TTLL8: variants seen among roughly 807,000 people sequenced by gnomAD.
The protein encoded by TTLL8 is protein monoglycylase TTLL8.
TTLL8 carries 65 observed loss-of-function variants against 77.8 expected under a neutral mutation model. That is an observed-to-expected ratio of 0.84 (90% CI 0.68 to 1.03). The LOEUF (loss-of-function observed/expected upper bound fraction) is 1.03. Among genes scored for constraint, TTLL8 ranks in the 50% least tolerant of loss-of-function variants. TTLL8 has a pLI of 0.00. For missense variants in TTLL8, 910 were observed against 1,004.5 expected, an observed-to-expected ratio of 0.91 and a Z score of 1.27; for synonymous variants, 402 against 422.8, an observed-to-expected ratio of 0.95 and a Z score of 0.60.
intron 12 of TTLL8, among the ~76,000 whole-genome samples, chr22:50,025,432 G>C (rs538942540): frequency 6.6e-6 from 1 of 152,240 alleles, no homozygotes; most frequent in African/African-American, 2.4e-5. Flanking sequence ...CTGAGGTCGG[G>C]AGTTCGAGAC....
intron 10 of TTLL8, among the ~76,000 whole-genome samples, chr22:50,032,947 C>A (rs1453885479): frequency 6.6e-6 from 1 of 152,228 alleles, no homozygotes. Flanking sequence ...CAAAATGGTG[C>A]CTTTTAAGAT....
At chr22:50,038,221 G>C (rs1184569121) in intron 8 of TTLL8, among the ~76,000 whole-genome samples, 1 of 152,048 alleles carries the variant, frequency 6.6e-6, no homozygotes, top group Non-Finnish European at 1.5e-5. Flanking sequence ...TGTACCCAGT[G>C]ACCTTGCTGA....
At chr22:50,022,654 C>T (rs1379912830) in intron 12 of TTLL8, among the ~76,000 whole-genome samples, 6 of 152,086 alleles carry the variant, frequency 3.9e-5, no homozygotes, top group South Asian at 2.1e-4. Flanking sequence ...CTCCATCTGA[C>T]GATGTGTTTT....
intron 8 of TTLL8, among the ~76,000 whole-genome samples, chr22:50,037,908 T>A (rs564525761): frequency 7.9e-5 from 12 of 152,276 alleles, no homozygotes; most frequent in African/African-American, 2.4e-4. Context: ...ACAAAAAAAA[T>A]ACCTCTCAGG....
At chr22:50,037,492 G>A (rs753889618) in intron 8 of TTLL8, among the ~76,000 whole-genome samples, 6 of 152,318 alleles carry the variant, frequency 3.9e-5, no homozygotes, top group Non-Finnish European at 5.9e-5. Flanking sequence ...GAGCCACCAC[G>A]CCCGGCCCAA....
chr22:50,031,951 G>C (rs755759630), exon 11 of TTLL8: 27 of 1,366,748 alleles, frequency 2.0e-5, no homozygotes, highest in Non-Finnish European at 2.5e-5. Flanking sequence ...CTTCATGGAC[G>C]GGTAGATGAC....
chr22:50,034,595 G>A lies in TTLL8; in HGVS notation c.922-133C>T. The A allele has an allele frequency of 1.0e-6, 1 of 974,880 alleles. No homozygotes were observed. The highest frequency in any genetic ancestry group is 1.5e-5 in the South Asian group (1 of 64,658). The allele number at this position is 974,880 out of a possible 1,614,324, so 60.4% of individuals were successfully genotyped here. On this transcript the variant is annotated intron_variant, in intron 8 of 13. Coordinates refer to ENST00000266182, the Ensembl canonical transcript of TTLL8. This position sits in a 1 kb window ranked among gnomAD's most constrained non-coding sequence, Gnocchi z 4.1. ...CAGGCGCTCGGCTCTAGGATGGTCT[G>A]GGGCTGGCCTGGCGGGAAAGGGCTG...
chr22:50,044,952 G>A lies in TTLL8; in HGVS notation c.643+303C>T, dbSNP rs534556327. Among the ~76,000 whole-genome samples, 162 of 152,268 alleles carry A rather than the reference G, an allele frequency of 1.1e-3. No individual in the cohort carries two copies. The highest frequency in any genetic ancestry group is 3.8e-3 in the African/African-American group (156 of 41,550). The stretch of plus-strand genomic sequence containing the variant: ...TCGTGGTGGCCGTGGGGTGGGGCAG[G>A]CTTCCGACCACAGGCTGGAACCACG... On this transcript the variant is annotated intron_variant, in intron 6 of 13. Transcript: ENST00000266182. This position sits in a 1 kb window ranked among gnomAD's most constrained non-coding sequence, Gnocchi z 4.2.
upstream of TTLL8, chr22:50,055,202 C>T (rs573103809): frequency 7.8e-7 from 1 of 1,277,706 alleles, no homozygotes; most frequent in Non-Finnish European, 1.0e-6. Context: ...AAAAAGTGTC[C>T]CCCTCCCCAC....
chr22:50,022,967 C>T (rs144708279), intron 12 of TTLL8, among the ~76,000 whole-genome samples: 245 of 151,170 alleles, frequency 1.6e-3, no homozygotes, highest in African/African-American at 5.6e-3. Context: ...TTTACCAACA[C>T]GTCAGGACAG....
intron 5 of TTLL8, 48 bp downstream of exon 7, chr22:50,045,808 A>C (rs1412556166): frequency 6.2e-6 from 8 of 1,294,108 alleles, no homozygotes; most frequent in Non-Finnish European, 8.1e-6. Flanking sequence ...TCTTTCTAGA[A>C]GCCTCTCTGC....
chr22:50,045,413 C>T, intron 5 of TTLL8, 24 bp from the exon 8 acceptor site: 4 of 1,363,022 alleles, frequency 2.9e-6, no homozygotes, highest in Non-Finnish European at 3.9e-6. Context: ...ACAGCCTCGC[C>T]CTATCTGTCC....
intron 8 of TTLL8, among the ~76,000 whole-genome samples, chr22:50,040,181 G>A (rs938362263): frequency 7.3e-5 from 11 of 151,324 alleles, no homozygotes; most frequent in African/African-American, 2.7e-4. Context: ...GTGTGCCAGC[G>A]TGGACGGACC....
intron 12 of TTLL8, among the ~76,000 whole-genome samples, chr22:50,021,737 C>A (rs1235103579): frequency 1.4e-5 from 2 of 147,326 alleles, no homozygotes; most frequent in African/African-American, 5.1e-5. Context: ...CTGACGTGCA[C>A]TCCTCCATCT....
At chr22:50,051,230 C>A (rs1316228840) in intron 1 of TTLL8, among the ~76,000 whole-genome samples, 3 of 152,260 alleles carry the variant, frequency 2.0e-5, no homozygotes, top group African/African-American at 4.8e-5. Context: ...TCTATCTTAT[C>A]ATTCTTATGC....
chr22:50,047,309 A>T lies in TTLL8; in HGVS notation c.265-13T>A. ...TTACCAACCTAGACTGGCAAGAAAA[A>T]AGTCTTTATTGATGCCCAGCATTCA... On this transcript the variant is annotated splice_polypyrimidine_tract_variant and intron_variant, in intron 3 of 13. Coordinates refer to ENST00000266182, the Ensembl canonical transcript of TTLL8. 1 of 1,367,298 alleles carries T rather than the reference A, an allele frequency of 7.3e-7. No homozygotes were observed. Among genetic ancestry groups the T allele is most frequent in the Non-Finnish European group, 9.8e-7 (1 of 1,021,614 alleles). The allele number at this position is 1,367,298 out of a possible 1,614,324, so 84.7% of individuals were successfully genotyped here. A position where few individuals can be genotyped will look rare whatever the true frequency, so the allele number is the denominator to read the frequency against.
intron 8 of TTLL8, among the ~76,000 whole-genome samples, chr22:50,039,510 G>A (rs1236679703): frequency 6.6e-6 from 1 of 152,220 alleles, no homozygotes; most frequent in Non-Finnish European, 1.5e-5. Context: ...TCAACCAGGA[G>A]AAATACAAAG....
Position 50,034,618 on chromosome 22 carries a change from C to CCGACCCGCAGCCCTT in TTLL8, c.922-157_922-156insAAGGGCTGCGGGTCG. On this transcript the variant is annotated intron_variant, in intron 8 of 13. Transcript: ENST00000266182. The surrounding 1 kb of genome is among the most constrained non-coding windows in gnomAD (Gnocchi z 4.1). ...CTGGGGCTGGCCTGGCGGGAAAGGG[C>CCGACCCGCAGCCCTT]TGCGGGTCGGCCCAGGAAGTTCTCC... 1 of 719,542 alleles carries CCGACCCGCAGCCCTT rather than the reference C, an allele frequency of 1.4e-6. No homozygotes were observed. The highest frequency in any genetic ancestry group is 2.0e-6 in the Non-Finnish European group (1 of 506,132). 44.6% of individuals were successfully genotyped at this position (719,542 alleles called of 1,614,324 possible).
chr22:50,048,312 T>C (rs901568293), intron 3 of TTLL8, among the ~76,000 whole-genome samples: 3 of 152,102 alleles, frequency 2.0e-5, no homozygotes, highest in African/African-American at 7.2e-5. Context: ...ATGCATGTGC[T>C]ACAATCCTCA....
Sources: allele counts gnomAD v4.1 joint callset (sites outside exome capture counted in the v4.1 genomes callset), GRCh38; gene constraint gnomAD v4.1.1; non-coding constraint Gnocchi (gnomAD v3.1); transcripts MANE v1.5; gene names NCBI Gene and HGNC (gene_info 2026-07-23, HGNC 2026-07-21).